The following GRID2 variants were observed in gnomAD, a reference collection of about 807,000 sequenced individuals.
GRID2 encodes the protein glutamate ionotropic receptor delta type subunit 2.
GRID2 carries 33 observed loss-of-function variants against 114.8 expected under a neutral mutation model. The observed-to-expected ratio is 0.29, with a 90% CI of 0.22 to 0.38. The LOEUF is 0.38. GRID2 is among the 10% of genes least tolerant of loss of function. GRID2 has a pLI of 1.00. For missense variants in GRID2, 1,184 were observed against 1,257.7 expected, an observed-to-expected ratio of 0.94 and a Z score of 0.89; for synonymous variants, 505 against 449.9, an observed-to-expected ratio of 1.12 and a Z score of -1.55.
At chr4:92,458,939 C>T (rs1721343979) in intron 1 of GRID2, among the ~76,000 whole-genome samples, 1 of 152,220 alleles carries the variant, frequency 6.6e-6, no homozygotes, top group Admixed American at 6.5e-5. Context: ...AGGTAATGAT[C>T]CCACAACAGG....
chr4:92,953,740 A>C (rs1394197171), intron 2 of GRID2, among the ~76,000 whole-genome samples: 1 of 152,084 alleles, frequency 6.6e-6, no homozygotes, highest in African/African-American at 2.4e-5. Flanking sequence ...AAGACTTCAT[A>C]CCATATTTTT....
chr4:92,317,078 C>T (rs76105125), intron 1 of GRID2, among the ~76,000 whole-genome samples: 1 of 152,002 alleles, frequency 6.6e-6, no homozygotes, highest in Non-Finnish European at 1.5e-5. Context: ...AAATTTAATA[C>T]TGTATATCAG....
intron 9 of GRID2, among the ~76,000 whole-genome samples, chr4:93,417,313 C>T (rs968313240): frequency 1.3e-5 from 2 of 152,114 alleles, no homozygotes; most frequent in African/African-American, 4.8e-5. Context: ...CATTTCCCTT[C>T]CACAAAATCT....
intron 11 of GRID2, among the ~76,000 whole-genome samples, chr4:93,477,983 A>G (rs1332819820): frequency 2.0e-5 from 3 of 152,100 alleles, no homozygotes; most frequent in Non-Finnish European, 2.9e-5. Flanking sequence ...TTTATATTTC[A>G]ATGCAGCACT....
chr4:93,758,192 A>C (rs1732915828), intron 14 of GRID2, among the ~76,000 whole-genome samples: 1 of 152,200 alleles, frequency 6.6e-6, no homozygotes, highest in African/African-American at 2.4e-5. Flanking sequence ...AATACAATAC[A>C]TCTAAAAATT....
intron 2 of GRID2, among the ~76,000 whole-genome samples, chr4:92,726,861 A>G (rs1259845524): frequency 6.6e-6 from 1 of 152,048 alleles, no homozygotes; most frequent in Non-Finnish European, 1.5e-5. Context: ...TCAGAATCAG[A>G]CTATGAAGTT....
At chr4:93,102,942 CA>C (rs1469397687) in intron 3 of GRID2, among the ~76,000 whole-genome samples, 1 of 151,804 alleles carries the variant, frequency 6.6e-6, no homozygotes, top group Admixed American at 6.6e-5. Flanking sequence ...AAAGGCTTTA[CA>C]TATCATCAAA....
At chr4:92,732,308 T>A (rs962798619) in intron 2 of GRID2, among the ~76,000 whole-genome samples, 1 of 152,040 alleles carries the variant, frequency 6.6e-6, no homozygotes, top group Non-Finnish European at 1.5e-5. Flanking sequence ...AGACTTTAAA[T>A]TGTATGGTTA....
intron 1 of GRID2, among the ~76,000 whole-genome samples, chr4:92,371,195 C>A (rs6821502): frequency 0.33 from 49,713 of 151,972 alleles, 8,302 homozygotes; most frequent in African/African-American, 0.41. Flanking sequence ...AAGGTAAAGC[C>A]TCAAGAACTG....
chr4:93,486,279 A>G (rs994594289), intron 11 of GRID2, among the ~76,000 whole-genome samples: 3 of 151,590 alleles, frequency 2.0e-5, no homozygotes, highest in Non-Finnish European at 3.0e-5. Flanking sequence ...CTACATACAT[A>G]TTCATATCAT....
intron 2 of GRID2, among the ~76,000 whole-genome samples, chr4:92,633,724 A>G (rs1730923302): frequency 6.6e-6 from 1 of 152,190 alleles, no homozygotes; most frequent in Non-Finnish European, 1.5e-5. Flanking sequence ...CAGAATATCC[A>G]TAGATTAAAC....
chr4:93,689,385 G>T (rs1726347406), intron 14 of GRID2, among the ~76,000 whole-genome samples: 1 of 152,038 alleles, frequency 6.6e-6, no homozygotes, highest in African/African-American at 2.4e-5. Context: ...GGCCTTCTGA[G>T]AAATAATTCA....
intron 5 of GRID2, among the ~76,000 whole-genome samples, chr4:93,212,773 T>TG (rs1433460935): frequency 1.5e-5 from 1 of 68,774 alleles, no homozygotes; most frequent in African/African-American, 1.2e-4. Context: ...GGTTTTTTGT[T>TG]GTTTTTTTTT....
At chr4:93,190,428 T>C (rs1740871384) in intron 4 of GRID2, among the ~76,000 whole-genome samples, 1 of 152,172 alleles carries the variant, frequency 6.6e-6, no homozygotes, top group Non-Finnish European at 1.5e-5. Flanking sequence ...TTCAGAAATT[T>C]GGCAGATTGG....
At chr4:93,186,183 A>G (rs942034481) in intron 4 of GRID2, among the ~76,000 whole-genome samples, 3 of 152,118 alleles carry the variant, frequency 2.0e-5, no homozygotes, top group Non-Finnish European at 2.9e-5. Context: ...AGTCTTTGCT[A>G]TTGTGAATAG....
intron 8 of GRID2, among the ~76,000 whole-genome samples, chr4:93,380,669 C>A (rs1763766916): frequency 6.6e-6 from 1 of 151,828 alleles, no homozygotes; most frequent in Non-Finnish European, 1.5e-5. Context: ...CATATATGTA[C>A]AACTTCTTAC....
intron 1 of GRID2, among the ~76,000 whole-genome samples, chr4:92,415,188 GATA>G (rs995744694): frequency 2.6e-5 from 4 of 151,936 alleles, no homozygotes; most frequent in African/African-American, 7.2e-5. Context: ...AGAAATTGTT[GATA>G]ATATTAGCAA....
intron 2 of GRID2, among the ~76,000 whole-genome samples, chr4:92,777,383 C>T (rs999416075): frequency 2.0e-5 from 3 of 152,008 alleles, no homozygotes; most frequent in Non-Finnish European, 4.4e-5. Context: ...TACCAGTCAC[C>T]GTGCCTCCAC....
chr4:92,650,579 A>G (rs1731876234), intron 2 of GRID2, among the ~76,000 whole-genome samples: 1 of 151,940 alleles, frequency 6.6e-6, no homozygotes, highest in African/African-American at 2.4e-5. Context: ...CTGTTGATTC[A>G]GATACATGAG....
Sources: gnomAD v4.1 joint callset for allele counts (sites outside exome capture counted in the v4.1 genomes callset) on GRCh38, gnomAD v4.1.1 for gene constraint, MANE v1.5 for transcripts, NCBI Gene and HGNC (gene_info 2026-07-23, HGNC 2026-07-21) for gene names.